Variants in KHDRBS3 observed in about 807,000 individuals in gnomAD.
KHDRBS3 encodes KH domain-containing, RNA-binding, signal transduction-associated protein 3.
KHDRBS3 carries 23 observed loss-of-function variants against 45.6 expected under a neutral mutation model. The observed-to-expected ratio is 0.50, with a 90% CI of 0.36 to 0.72. The LOEUF is 0.72. KHDRBS3 is among the 30% of genes least tolerant of loss of function. KHDRBS3 has a pLI of 0.00. For synonymous variants in KHDRBS3, 162 were observed against 156.5 expected, an observed-to-expected ratio of 1.04 and a Z score of -0.26; for missense variants, 352 against 424.8, an observed-to-expected ratio of 0.83 and a Z score of 1.51.
chr8:135,484,619 A>G (rs1392789715), intron 1 of KHDRBS3, among the ~76,000 whole-genome samples: 3 of 152,198 alleles, frequency 2.0e-5, no homozygotes. Context: ...CAAAGTGAAC[A>G]TGGCATTTAT....
At chr8:135,485,401 G>A (rs1450903867) in intron 1 of KHDRBS3, among the ~76,000 whole-genome samples, 1 of 152,108 alleles carries the variant, frequency 6.6e-6, no homozygotes, top group African/African-American at 2.4e-5. Flanking sequence ...GTATCTACAC[G>A]GTAGAGAAGG....
At chr8:135,460,344 A>C (rs577641181) in intron 1 of KHDRBS3, among the ~76,000 whole-genome samples, 3 of 152,282 alleles carry the variant, frequency 2.0e-5, no homozygotes, top group Admixed American at 2.0e-4. Flanking sequence ...AAGGCCTTAC[A>C]TTTGCATAGT....
At chr8:135,585,388 A>C (rs1828423449) in intron 6 of KHDRBS3, among the ~76,000 whole-genome samples, 1 of 152,212 alleles carries the variant, frequency 6.6e-6, no homozygotes, top group Non-Finnish European at 1.5e-5. Flanking sequence ...CCATCTTTGA[A>C]TATACTAAAA....
At chr8:135,499,712 G>A (rs577214318) in intron 1 of KHDRBS3, among the ~76,000 whole-genome samples, 15 of 152,226 alleles carry the variant, frequency 9.9e-5, no homozygotes, top group Non-Finnish European at 1.8e-4. Flanking sequence ...TTTTAAAGGC[G>A]TTTATCTTAT....
At chr8:135,616,263 T>G (rs185807360) in intron 7 of KHDRBS3, among the ~76,000 whole-genome samples, 8 of 152,312 alleles carry the variant, frequency 5.3e-5, no homozygotes, top group Admixed American at 5.2e-4. Context: ...CAGTTAGTCC[T>G]CATACTGTTC....
chr8:135,463,504 A>T (rs1368069092), intron 1 of KHDRBS3, among the ~76,000 whole-genome samples: 1 of 152,160 alleles, frequency 6.6e-6, no homozygotes, highest in Non-Finnish European at 1.5e-5. Context: ...TAATGAGAAG[A>T]TGTTGTCAGA....
intron 6 of KHDRBS3, among the ~76,000 whole-genome samples, chr8:135,599,700 G>A (rs1307637737): frequency 1.3e-5 from 2 of 152,168 alleles, no homozygotes; most frequent in Non-Finnish European, 2.9e-5. Flanking sequence ...GAGGAGAGGA[G>A]GCAAAGAAAT....
At chr8:135,590,883 C>G (rs770789606) in intron 6 of KHDRBS3, among the ~76,000 whole-genome samples, 33 of 152,262 alleles carry the variant, frequency 2.2e-4, no homozygotes, top group South Asian at 8.3e-4. Flanking sequence ...CTCTTGATAT[C>G]TCAATGTTGT....
At chr8:135,540,184 G>T (rs1825975304) in intron 2 of KHDRBS3, 1 of 152,156 alleles carries the variant, frequency 6.6e-6, no homozygotes, top group African/African-American at 2.4e-5. Flanking sequence ...GAATGGGAGA[G>T]TGGGACAACA....
chr8:135,581,863 C>A lies in KHDRBS3; in HGVS notation c.612-15C>A. ...ACTATGATAGATACTGCTAATTTGA[C>A]TCTCTTGGTTACAGGGGAAGGGGAG... On this transcript the variant is annotated splice_polypyrimidine_tract_variant and intron_variant, in intron 5 of 8. Coordinates refer to ENST00000355849, the MANE Select transcript of KHDRBS3 (RefSeq NM_006558.3). 6.5e-7 allele frequency: 1 copy of A among 1,540,170 alleles called. No homozygotes were observed. Among genetic ancestry groups the A allele is most frequent in the Non-Finnish European group, 8.8e-7 (1 of 1,136,008 alleles).
At chr8:135,636,258 A>C (rs1382164170) in intron 7 of KHDRBS3, among the ~76,000 whole-genome samples, 1 of 152,202 alleles carries the variant, frequency 6.6e-6, no homozygotes, top group East Asian at 1.9e-4. Context: ...TTTCAAGAGC[A>C]CTTTTCCCGT....
intron 1 of KHDRBS3, among the ~76,000 whole-genome samples, chr8:135,484,906 C>T (rs2130356541): frequency 6.6e-6 from 1 of 152,094 alleles, no homozygotes; most frequent in East Asian, 1.9e-4. Context: ...TAAATGCTAG[C>T]TATTATTATT....
intron 1 of KHDRBS3, among the ~76,000 whole-genome samples, chr8:135,508,389 G>T (rs1376903708): frequency 6.6e-6 from 1 of 152,114 alleles, no homozygotes; most frequent in African/African-American, 2.4e-5. Flanking sequence ...AAGGAAATGG[G>T]TTTTATAATG....
At chr8:135,525,532 A>C (rs1006519987) in intron 2 of KHDRBS3, among the ~76,000 whole-genome samples, 1 of 152,158 alleles carries the variant, frequency 6.6e-6, no homozygotes, top group Non-Finnish European at 1.5e-5. Flanking sequence ...AGTGCTTCAG[A>C]CAGTTAACTT....
At chr8:135,468,297 T>A (rs1821801471) in intron 1 of KHDRBS3, among the ~76,000 whole-genome samples, 1 of 152,178 alleles carries the variant, frequency 6.6e-6, no homozygotes. Flanking sequence ...GCCCTAGCCC[T>A]CAAATGAGCC....
At chr8:135,588,885 A>G (rs1828612763) in intron 6 of KHDRBS3, among the ~76,000 whole-genome samples, 1 of 152,200 alleles carries the variant, frequency 6.6e-6, no homozygotes, top group Admixed American at 6.5e-5. Flanking sequence ...TGTGATATAG[A>G]CCAACACAAA....
rs188054754 is a variant in KHDRBS3, at chr8:135,527,070, G to A, written c.207+5715G>A. Among the ~76,000 whole-genome samples, 613 of 152,106 alleles carry A rather than the reference G, an allele frequency of 4.0e-3. 4 individuals carry two copies. Among genetic ancestry groups the A allele is most frequent in the South Asian group, 0.024 (115 of 4,824 alleles). ...GACCTACAGATACATTATGGTTTAG[G>A]GTTTACATTTATTTTTTTATTCATT... On this transcript the variant is annotated intron_variant, in intron 2 of 8. Coordinates refer to ENST00000355849, the MANE Select transcript of KHDRBS3 (RefSeq NM_006558.3).
chr8:135,509,974 C>CT lies in KHDRBS3; in HGVS notation c.89-11245dup, dbSNP rs1237666093. On this transcript the variant is annotated intron_variant, in intron 1 of 8. Coordinates refer to ENST00000355849, the MANE Select transcript of KHDRBS3 (RefSeq NM_006558.3). ...ACATTGAAATTTTCTTTCCCCCCCC[C>CT]TTTTTTTTTTTTTTTTTTGCTTAAA... Among the ~76,000 whole-genome samples the CT allele has an allele frequency of 7.8e-3, 956 of 122,908 alleles. 9 individuals are homozygous for CT. The highest frequency in any genetic ancestry group is 0.011 in the Non-Finnish European group (697 of 60,988). The allele number at this position is 122,908 out of a possible 152,430, so 80.6% of individuals were successfully genotyped here. A position where few individuals can be genotyped will look rare whatever the true frequency, so the allele number is the denominator to read the frequency against.
intron 2 of KHDRBS3, among the ~76,000 whole-genome samples, chr8:135,529,149 A>G (rs1243904969): frequency 2.6e-5 from 4 of 152,194 alleles, no homozygotes; most frequent in Non-Finnish European, 5.9e-5. Context: ...TTGGCGCATA[A>G]TGGCCATTGT....
Sources: gnomAD v4.1 joint callset for allele counts (sites outside exome capture counted in the v4.1 genomes callset) on GRCh38, gnomAD v4.1.1 for gene constraint, MANE v1.5 for transcripts, NCBI Gene and HGNC (gene_info 2026-07-23, HGNC 2026-07-21) for gene names.